SLC5A1: variants seen among roughly 807,000 people sequenced by gnomAD.
SLC5A1 encodes the protein solute carrier family 5 member 1.
A neutral mutation model predicts 73.5 loss-of-function variants in SLC5A1; 42 were observed. The observed-to-expected ratio is 0.57, with a 90% CI of 0.45 to 0.74. SLC5A1 has a LOEUF of 0.74. Among genes scored for constraint, SLC5A1 ranks in the 30% least tolerant of loss-of-function variants. The probability of loss-of-function intolerance (pLI) is 0.00; values close to 1 mark genes in which losing one functional copy is unlikely to be tolerated. For missense variants in SLC5A1, 634 were observed against 855.4 expected, an observed-to-expected ratio of 0.74 and a Z score of 3.23; for synonymous variants, 300 against 317.4, an observed-to-expected ratio of 0.95 and a Z score of 0.58.
chr22:32,053,345 T>C (rs527697168), intron 2 of SLC5A1, among the ~76,000 whole-genome samples: 10 of 152,202 alleles, frequency 6.6e-5, no homozygotes, highest in African/African-American at 2.2e-4. Context: ...TTTATTCTCC[T>C]CCTTCTCCTC....
rs1569320004 is a variant in SLC5A1, at chr22:32,110,205, T to C, written c.1987T>C (p.Phe663Leu). The change falls in exon 15 of 15, where the codon TTT becomes CTT. Residue 663 changes from phenylalanine (F) to leucine (L), a missense_variant. Phe to Leu is a conservative substitution (Grantham distance 22). Coordinates refer to ENST00000266088, the MANE Select transcript of SLC5A1 (RefSeq NM_000343.4). Reference protein sequence around the residue: ...VTVAVFCHAYFA With the variant: ...VTVAVFCHAYLA ...CGTGGCTGTCTTTTGCCATGCATAT[T>C]TTGCCTGAGTCCTACCTTTTGCTGT... The C allele has an allele frequency of 6.2e-7, 1 of 1,611,572 alleles. No homozygotes were observed. Among genetic ancestry groups the C allele is most frequent in the African/African-American group, 1.3e-5 (1 of 75,010 alleles).
chr22:32,101,530 G>A (rs932970679), intron 12 of SLC5A1, among the ~76,000 whole-genome samples: 2 of 152,130 alleles, frequency 1.3e-5, no homozygotes, highest in East Asian at 3.8e-4. Flanking sequence ...TGATGGAAAA[G>A]TTTCTTTCTC....
chr22:32,079,329 G>A (rs530814074), intron 5 of SLC5A1, among the ~76,000 whole-genome samples: 23 of 152,340 alleles, frequency 1.5e-4, no homozygotes, highest in African/African-American at 5.3e-4. Flanking sequence ...TGACTCATGC[G>A]AGGAAGAATT....
chr22:32,057,160 C>T (rs1396524599), intron 2 of SLC5A1, among the ~76,000 whole-genome samples: 2 of 152,170 alleles, frequency 1.3e-5, no homozygotes, highest in Non-Finnish European at 2.9e-5. Flanking sequence ...AAAGGATGTC[C>T]ATGCCATTTA....
At chr22:32,077,076 C>T (rs930285776) in intron 5 of SLC5A1, among the ~76,000 whole-genome samples, 6 of 152,164 alleles carry the variant, frequency 3.9e-5, no homozygotes, top group Non-Finnish European at 7.3e-5. Context: ...CATTTACTCC[C>T]GGGCCCTTTA....
At chr22:32,047,519 C>CA (rs966183946) in intron 1 of SLC5A1, among the ~76,000 whole-genome samples, 7 of 152,034 alleles carry the variant, frequency 4.6e-5, no homozygotes, top group African/African-American at 1.4e-4. Context: ...TTGCTATTCC[C>CA]AAAAAAACTG....
intron 14 of SLC5A1, among the ~76,000 whole-genome samples, chr22:32,107,002 T>C (rs1168638258): frequency 6.6e-6 from 1 of 152,184 alleles, no homozygotes; most frequent in South Asian, 2.1e-4. Context: ...GACATGTAAA[T>C]TGAGGCTTAG....
chr22:32,078,954 CAAAAAAAA>C (rs6147589), intron 5 of SLC5A1, among the ~76,000 whole-genome samples: 13 of 109,108 alleles, frequency 1.2e-4, no homozygotes, highest in Non-Finnish European at 5.4e-5. Flanking sequence ...ACTCTGTCTC[CAAAAAAAA>C]AAAAAAAAAA....
chr22:32,080,958 C>A (rs1316690699), intron 5 of SLC5A1, among the ~76,000 whole-genome samples: 1 of 152,146 alleles, frequency 6.6e-6, no homozygotes, highest in Non-Finnish European at 1.5e-5. Flanking sequence ...CGCACCACTG[C>A]ACTCTAGCCC....
chr22:32,108,817 T>C (rs1349547102), intron 14 of SLC5A1, among the ~76,000 whole-genome samples: 3 of 152,226 alleles, frequency 2.0e-5, no homozygotes, highest in Admixed American at 1.3e-4. Flanking sequence ...GTCCCAATTC[T>C]GACTCGTGTG....
intron 5 of SLC5A1, among the ~76,000 whole-genome samples, chr22:32,069,132 A>C (rs546330142): frequency 6.6e-6 from 1 of 152,232 alleles, no homozygotes; most frequent in Non-Finnish European, 1.5e-5. Flanking sequence ...GTCCATGTCC[A>C]TAACATGGAT....
At chr22:32,094,845 T>C (rs1230093489) in intron 11 of SLC5A1, among the ~76,000 whole-genome samples, 3 of 152,112 alleles carry the variant, frequency 2.0e-5, no homozygotes, top group African/African-American at 4.8e-5. Flanking sequence ...TTTCTTTTAG[T>C]TCTGCCCTGA....
At chr22:32,045,344 C>G (rs1487675877) in intron 1 of SLC5A1, among the ~76,000 whole-genome samples, 1 of 152,174 alleles carries the variant, frequency 6.6e-6, no homozygotes. Context: ...TATCACTTGT[C>G]CTGCTAAATG....
At position 32,084,731 on chromosome 22, in the gene SLC5A1, G is replaced by T. The variant is rs1430887748; in HGVS notation, c.885+72G>T. 3 of 1,532,264 alleles carry T rather than the reference G, an allele frequency of 2.0e-6. No individual in the cohort carries two copies. In the African/African-American group the frequency reaches 4.1e-5, roughly 21 times the overall value. The allele number at this position is 1,532,264 out of a possible 1,614,324, so 94.9% of individuals were successfully genotyped here. A position where few individuals can be genotyped will look rare whatever the true frequency, so the allele number is the denominator to read the frequency against. Reference sequence around the variant, plus strand: ...CTACAGGAACTCCTGTCTGTCTGTGGTTTGCAGGGTTGGGACAGGGAGGGG... The same window carrying T: ...CTACAGGAACTCCTGTCTGTCTGTGTTTTGCAGGGTTGGGACAGGGAGGGG... On this transcript the variant is annotated intron_variant, in intron 8 of 14. Coordinates refer to ENST00000266088, the MANE Select transcript of SLC5A1 (RefSeq NM_000343.4).
intron 2 of SLC5A1, among the ~76,000 whole-genome samples, chr22:32,054,033 C>T (rs1490580175): frequency 6.6e-6 from 1 of 152,028 alleles, no homozygotes; most frequent in East Asian, 1.9e-4. Context: ...ATTAGCTGGG[C>T]GTGGTGGCAG....
chr22:32,084,046 T>G, intron 7 of SLC5A1, among the ~76,000 whole-genome samples: 1 of 152,128 alleles, frequency 6.6e-6, no homozygotes, highest in Admixed American at 6.5e-5. Flanking sequence ...GGTCTGTGTG[T>G]CTCTAGGCCT....
intron 10 of SLC5A1, among the ~76,000 whole-genome samples, chr22:32,090,622 C>T (rs1031155397): frequency 4.0e-5 from 6 of 151,778 alleles, no homozygotes; most frequent in African/African-American, 1.5e-4. Context: ...AATAATATTA[C>T]AAACATTAAT....
chr22:32,074,921 G>A (rs979510985), intron 5 of SLC5A1, among the ~76,000 whole-genome samples: 1 of 151,984 alleles, frequency 6.6e-6, no homozygotes, highest in African/African-American at 2.4e-5. Flanking sequence ...TACTGAGATA[G>A]GGTATTGCTC....
intron 14 of SLC5A1, 42 bp from the exon 15 acceptor site, chr22:32,109,948 T>C (rs1254668703): frequency 6.4e-7 from 1 of 1,553,916 alleles, no homozygotes; most frequent in Non-Finnish European, 8.9e-7. Flanking sequence ...TTCTAGTCCA[T>C]CCTGCTTCTG....
Sources: gnomAD v4.1 joint callset for allele counts (sites outside exome capture counted in the v4.1 genomes callset) on GRCh38, gnomAD v4.1.1 for gene constraint, MANE v1.5 for transcripts, NCBI Gene and HGNC (gene_info 2026-07-23, HGNC 2026-07-21) for gene names.